CRHR2: variants seen among roughly 807,000 people sequenced by gnomAD.
The protein encoded by CRHR2 is corticotropin-releasing hormone receptor 2.
Under a neutral mutation model 57.9 loss-of-function variants are expected in CRHR2, and 53 were observed. The observed-to-expected ratio is 0.92, with a 90% CI of 0.73 to 1.15. CRHR2 has a LOEUF of 1.15. CRHR2 is among the 50% of genes most tolerant of loss of function. The pLI is 0.00. For missense variants in CRHR2, 532 were observed against 542.6 expected, an observed-to-expected ratio of 0.98 and a Z score of 0.19; for synonymous variants, 213 against 220.9, an observed-to-expected ratio of 0.96 and a Z score of 0.32.
intron 1 of CRHR2, among the ~76,000 whole-genome samples, chr7:30,695,128 T>C (rs1316578785): frequency 2.7e-5 from 3 of 111,738 alleles, no homozygotes; most frequent in East Asian, 2.6e-4. Flanking sequence ...TGCACAGACA[T>C]AGGGGGCAGA....
At position 30,671,537 on chromosome 7, in the gene CRHR2, T is replaced by A. The variant is rs1008357570; in HGVS notation, c.230-4224A>T. 4.0e-5 allele frequency among the ~76,000 whole-genome samples: 6 copies of A among 151,052 alleles called. 1 individual carries two copies. In the Middle Eastern group the frequency reaches 0.014, roughly 350 times the overall value. On this transcript the variant is annotated intron_variant, in intron 2 of 11. Coordinates refer to ENST00000471646, the MANE Select transcript of CRHR2 (RefSeq NM_001883.5). ...GGGAGAGGCTGGATATGGTGGCTCA[T>A]GCCTGTAATCCCAACATTTTGGGAG... is the stretch of plus-strand genomic sequence containing the variant.
In CRHR2 at chr7:30,682,269, T is replaced by A; in HGVS notation, c.12A>T (p.Ala4=). 6.3e-7 allele frequency: 1 copy of A among 1,576,150 alleles called. No individual in the cohort carries two copies. The highest frequency in any genetic ancestry group is 1.2e-5 in the South Asian group (1 of 86,142). The change falls in exon 1 of 12, where the codon GCA becomes GCT. Residue 4 remains alanine (A), a synonymous_variant. Transcript: ENST00000471646. The part of the protein sequence containing the change: MDA[A]LLHSLLEANC... ...TGGCCTCCAGCAGGCTGTGGAGCAG[T>A]GCCGCGTCCATCGCGTCCCGCAGCC... is the stretch of plus-strand genomic sequence containing the variant.
chr7:30,674,954 T>C (rs530186409), intron 2 of CRHR2, among the ~76,000 whole-genome samples: 4 of 152,264 alleles, frequency 2.6e-5, no homozygotes, highest in South Asian at 4.1e-4. Flanking sequence ...CTGTGTGCCA[T>C]GGCCCCACGA....
chr7:30,663,275 T>C (rs746867392), intron 5 of CRHR2, among the ~76,000 whole-genome samples: 1 of 151,840 alleles, frequency 6.6e-6, no homozygotes, highest in African/African-American at 2.4e-5. Context: ...TAGAAAAAAA[T>C]GAAAAAATAA....
At chr7:30,660,320 A>G (rs962709878) in intron 8 of CRHR2, among the ~76,000 whole-genome samples, 1 of 152,206 alleles carries the variant, frequency 6.6e-6, no homozygotes, top group Non-Finnish European at 1.5e-5. Context: ...TACCCATCAG[A>G]TCCTTTCTCC....
chr7:30,670,595 A>G (rs935774993), intron 2 of CRHR2, among the ~76,000 whole-genome samples: 9 of 152,214 alleles, frequency 5.9e-5, no homozygotes, highest in Admixed American at 1.3e-4. Context: ...GGACTGGAGG[A>G]TAGATGTGCC....
At chr7:30,661,590 C>T (rs1392613232) in intron 7 of CRHR2, among the ~76,000 whole-genome samples, 6 of 152,208 alleles carry the variant, frequency 3.9e-5, no homozygotes, top group Admixed American at 6.5e-5. Flanking sequence ...GTTCCCTGGT[C>T]CCCGCTGCTC....
At chr7:30,687,614 GT>G (rs1157965916) in intron 2 of CRHR2, among the ~76,000 whole-genome samples, 4 of 152,166 alleles carry the variant, frequency 2.6e-5, no homozygotes, top group African/African-American at 9.7e-5. Context: ...TAGAAATCAT[GT>G]GGATCCCTTT....
intron 2 of CRHR2, among the ~76,000 whole-genome samples, chr7:30,672,255 C>A (rs1046350629): frequency 2.0e-5 from 3 of 152,268 alleles, no homozygotes; most frequent in Non-Finnish European, 1.5e-5. Flanking sequence ...CTGCTTGTGA[C>A]TGCCTGGCTC....
intron 5 of CRHR2, among the ~76,000 whole-genome samples, chr7:30,663,078 C>G (rs1784076363): frequency 6.6e-6 from 1 of 152,214 alleles, no homozygotes; most frequent in African/African-American, 2.4e-5. Flanking sequence ...TTTTTTTTAA[C>G]TTCTCTCTAA....
chr7:30,678,068 T>TGGA (rs3216470), intron 2 of CRHR2, among the ~76,000 whole-genome samples: 17,864 of 152,190 alleles, frequency 0.12, 1,147 homozygotes, highest in South Asian at 0.2. Flanking sequence ...GGCAGGGCCT[T>TGGA]TCAGGGAGAG....
intron 1 of CRHR2, among the ~76,000 whole-genome samples, chr7:30,691,814 T>C (rs1191776026): frequency 6.6e-6 from 1 of 152,218 alleles, no homozygotes; most frequent in African/African-American, 2.4e-5. Flanking sequence ...TAATCTACCA[T>C]GCAGGTGTCA....
intron 8 of CRHR2, among the ~76,000 whole-genome samples, chr7:30,657,766 G>A (rs1051224879): frequency 5.3e-5 from 8 of 151,604 alleles, no homozygotes; most frequent in South Asian, 4.2e-4. Flanking sequence ...TTATCCATCC[G>A]TCCATCCATC....
In CRHR2 at chr7:30,652,178, G is replaced by C. The variant is rs1013613229; in HGVS notation, c.*1282C>G. ...CTCTCTCCCTGACTCCTGCGGCTCC[G>C]CTGCAGGGACACAGGGACGGAAGCC... On this transcript the variant is annotated 3_prime_UTR_variant, in exon 12 of 12. Coordinates refer to ENST00000471646, the MANE Select transcript of CRHR2 (RefSeq NM_001883.5). The surrounding 1 kb of genome is among the most constrained non-coding windows in gnomAD (Gnocchi z 4.4). 6.6e-6 allele frequency: 1 copy of C among 152,218 alleles called. No homozygotes were observed. The highest frequency in any genetic ancestry group is 1.5e-5 in the Non-Finnish European group (1 of 68,056). The allele number at this position is 152,218 out of a possible 1,614,324, so 9.4% of individuals were successfully genotyped here.
In CRHR2 at chr7:30,656,085, C is replaced by T. The variant is rs1750279809; in HGVS notation, c.832-73G>A. 2 of 1,420,070 alleles carry T rather than the reference C, an allele frequency of 1.4e-6. No individual in the cohort carries two copies. Among genetic ancestry groups the T allele is most frequent in the Non-Finnish European group, 9.9e-7 (1 of 1,010,408 alleles). The allele number at this position is 1,420,070 out of a possible 1,614,324, so 88.0% of individuals were successfully genotyped here. A position where few individuals can be genotyped will look rare whatever the true frequency, so the allele number is the denominator to read the frequency against. On this transcript the variant is annotated intron_variant, in intron 8 of 11. Coordinates refer to ENST00000471646, the MANE Select transcript of CRHR2 (RefSeq NM_001883.5). The surrounding 1 kb of genome is among the most constrained non-coding windows in gnomAD (Gnocchi z 4.4). ...GTTTGAGATGAGCCGAGAGGCAGCC[C>T]CCTTCCCCGCAGACCCCTGGAAACC...
chr7:30,665,129 G>T lies in CRHR2; in HGVS notation c.484C>A (p.Arg162=), dbSNP rs763132126. 1.9e-6 allele frequency: 3 copies of T among 1,614,036 alleles called. No homozygotes were observed. The highest frequency in any genetic ancestry group is 1.6e-4 in the Middle Eastern group (1 of 6,062). The part of the protein sequence containing the change: ...HWNLITTFIL[R]NVMWFLLQLV... Reference sequence around the variant, plus strand: ...TGCAGCAGGAACCACATGACATTTCGCAGGATAAAGGTGGTGATGAGGTTC... The same window carrying T: ...TGCAGCAGGAACCACATGACATTTCTCAGGATAAAGGTGGTGATGAGGTTC... Residue 162 remains arginine, a synonymous_variant, in exon 5 of 12, where the codon CGA becomes AGA. Coordinates refer to ENST00000471646, the MANE Select transcript of CRHR2 (RefSeq NM_001883.5). This position sits in a 1 kb window ranked among gnomAD's most constrained non-coding sequence, Gnocchi z 4.5.
At chr7:30,664,361 T>C (rs1319470466) in intron 5 of CRHR2, among the ~76,000 whole-genome samples, 2 of 152,216 alleles carry the variant, frequency 1.3e-5, no homozygotes, top group Non-Finnish European at 2.9e-5. Flanking sequence ...TAGCCCCTTA[T>C]GTAGAGGTAT....
At chr7:30,662,281 C>T (rs1323609325) in intron 6 of CRHR2, 65 bp from the exon 7 acceptor site, 25 of 1,561,108 alleles carry the variant, frequency 1.6e-5, no homozygotes, top group East Asian at 2.2e-5. Context: ...TAGGACATAC[C>T]GTGGGGTACC....
rs150007798 is a variant in CRHR2 at position 30,665,784 on chromosome 7, C to T, written c.316-145G>A. The T allele has an allele frequency of 1.5e-4, 99 of 654,670 alleles. No homozygotes were observed. In the East Asian group the frequency reaches 2.7e-3, roughly 18 times the overall value. The allele number at this position is 654,670 out of a possible 1,614,324, so 40.6% of individuals were successfully genotyped here. On this transcript the variant is annotated intron_variant, in intron 3 of 11. Transcript: ENST00000471646. This position sits in a 1 kb window ranked among gnomAD's most constrained non-coding sequence, Gnocchi z 4.5. ...ATTGCCGTGCCTGGCTCTTAGGGTTCGTTCCTGTTGGCCCTGGGTGGCTCT... is the reference window on the plus strand; with the variant it reads ...ATTGCCGTGCCTGGCTCTTAGGGTTTGTTCCTGTTGGCCCTGGGTGGCTCT...
Sources: gnomAD v4.1 joint callset for allele counts (sites outside exome capture counted in the v4.1 genomes callset) on GRCh38, gnomAD v4.1.1 for gene constraint, Gnocchi (gnomAD v3.1) non-coding constraint, MANE v1.5 for transcripts, NCBI Gene and HGNC (gene_info 2026-07-23, HGNC 2026-07-21) for gene names.